Variants in RARA observed in about 807,000 individuals in gnomAD.
RARA encodes PML-DDX5-RARA fusion.
In RARA, 5 loss-of-function variants were observed where a neutral mutation model predicts 42.8. The observed-to-expected ratio is 0.12, with a 90% CI of 0.06 to 0.25. The LOEUF is 0.25. Among genes scored for constraint, RARA ranks in the 10% least tolerant of loss-of-function variants. RARA has a pLI of 1.00. For synonymous variants in RARA, 256 were observed against 259.5 expected (o/e 0.99, Z 0.13); for missense variants, 402 against 628.7 (o/e 0.64, Z 3.86).
chr17:40,331,111 C>A lies in RARA; in HGVS notation c.-108C>A. The A allele has an allele frequency of 7.4e-7, 1 of 1,346,196 alleles. No homozygotes were observed. Among genetic ancestry groups the A allele is most frequent in the Non-Finnish European group, 1.0e-6 (1 of 992,790 alleles). 83.4% of individuals were successfully genotyped at this position (1,346,196 alleles called of 1,614,324 possible). On this transcript the variant is annotated 5_prime_UTR_variant, in exon 2 of 9. Coordinates refer to ENST00000254066, the MANE Select transcript of RARA (RefSeq NM_000964.4). ...AGGACAGGGCGGGTGGGCTGACCACCCAAACCCCATCTGGGCCCAGGCCCC... is the reference window on the plus strand; with the variant it reads ...AGGACAGGGCGGGTGGGCTGACCACACAAACCCCATCTGGGCCCAGGCCCC...
rs1426934896 is a variant in RARA at position 40,352,236 on chromosome 17, T to G, written c.631-95T>G. On this transcript the variant is annotated intron_variant, in intron 5 of 8. Transcript: ENST00000254066. This position sits in a 1 kb window ranked among gnomAD's most constrained non-coding sequence, Gnocchi z 4.9. ...CTCTTCCCAAGGAGCTCCCAGGAAGTGAAGGCTGGGTAGAGGGCAGGCCTG... is the reference window on the plus strand; with the variant it reads ...CTCTTCCCAAGGAGCTCCCAGGAAGGGAAGGCTGGGTAGAGGGCAGGCCTG... The G allele has an allele frequency of 3.1e-5, 46 of 1,504,372 alleles. No individual in the cohort carries two copies. The highest frequency in any genetic ancestry group is 4.6e-5 in the Admixed American group (2 of 43,804). The allele number at this position is 1,504,372 out of a possible 1,614,324, so 93.2% of individuals were successfully genotyped here.
At chr17:40,343,692 C>G (rs558729354) in intron 2 of RARA, among the ~76,000 whole-genome samples, 1 of 152,136 alleles carries the variant, frequency 6.6e-6, no homozygotes, top group African/African-American at 2.4e-5. Context: ...GCTCCGCCAC[C>G]GAGTCCTTTT....
chr17:40,343,040 C>G (rs1436391398), intron 2 of RARA: 3 of 1,331,334 alleles, frequency 2.3e-6, no homozygotes, highest in South Asian at 1.7e-5. Context: ...CACCCTCCCC[C>G]CAGTAACCCT....
At chr17:40,310,291 A>T (rs2033070848) in intron 1 of RARA, among the ~76,000 whole-genome samples, 1 of 151,428 alleles carries the variant, frequency 6.6e-6, no homozygotes, top group African/African-American at 2.4e-5. Flanking sequence ...CTCTCTGAAG[A>T]TCTAGGGCGT....
At chr17:40,334,636 AG>A (rs1567753072) in intron 2 of RARA, among the ~76,000 whole-genome samples, 1 of 152,200 alleles carries the variant, frequency 6.6e-6, no homozygotes, top group Non-Finnish European at 1.5e-5. Flanking sequence ...GGCAGTTCCC[AG>A]GAGAGGTGGC....
chr17:40,316,464 G>C (rs1330924187), intron 1 of RARA, among the ~76,000 whole-genome samples: 1 of 152,234 alleles, frequency 6.6e-6, no homozygotes, highest in Non-Finnish European at 1.5e-5. Context: ...CCCTATGATG[G>C]CAGGTGTACC....
At chr17:40,344,351 C>T (rs2034179760) in intron 2 of RARA, among the ~76,000 whole-genome samples, 1 of 152,102 alleles carries the variant, frequency 6.6e-6, no homozygotes, top group Admixed American at 6.5e-5. Context: ...GAGAGGATGA[C>T]TCTAGGACCC....
chr17:40,337,019 T>C (rs1344455073), intron 2 of RARA, among the ~76,000 whole-genome samples: 2 of 152,154 alleles, frequency 1.3e-5, no homozygotes, highest in African/African-American at 4.8e-5. Flanking sequence ...CCTTTGTAGG[T>C]GGGAGCTGGA....
At chr17:40,348,488 AG>A (rs1277373367) in intron 3 of RARA, 24 bp downstream of exon 3, 2 of 1,607,118 alleles carry the variant, frequency 1.2e-6, no homozygotes, top group East Asian at 4.5e-5. Flanking sequence ...GTCATTGGGA[AG>A]GACAGCTTGA....
intron 2 of RARA, among the ~76,000 whole-genome samples, chr17:40,344,084 G>A (rs529965548): frequency 6.6e-6 from 1 of 151,964 alleles, no homozygotes; most frequent in Admixed American, 6.5e-5. Context: ...CTGCCAGGGA[G>A]GAGGGGTGGA....
chr17:40,321,198 G>T (rs2033366040), intron 1 of RARA, among the ~76,000 whole-genome samples: 1 of 151,994 alleles, frequency 6.6e-6, no homozygotes, highest in Non-Finnish European at 1.5e-5. Context: ...TCCCCGCAGG[G>T]TGGGCGGCAT....
chr17:40,342,056 G>C (rs2143387196), intron 2 of RARA: 1 of 1,060,008 alleles, frequency 9.4e-7, no homozygotes, highest in African/African-American at 1.7e-5. Context: ...AGCCGGACGC[G>C]CCGGGAATGG....
intron 1 of RARA, among the ~76,000 whole-genome samples, chr17:40,329,050 A>G (rs1039608843): frequency 2.6e-5 from 4 of 151,990 alleles, no homozygotes; most frequent in African/African-American, 9.7e-5. Context: ...GAGGATTCCA[A>G]TTTCTCCACA....
intron 2 of RARA, among the ~76,000 whole-genome samples, chr17:40,332,806 C>T (rs1011167533): frequency 1.3e-5 from 2 of 152,260 alleles, no homozygotes; most frequent in Non-Finnish European, 2.9e-5. Context: ...TGTCTCTTCT[C>T]TCCACCTCAT....
chr17:40,333,113 G>A (rs1042238738), intron 2 of RARA, among the ~76,000 whole-genome samples: 1 of 151,822 alleles, frequency 6.6e-6, no homozygotes, highest in African/African-American at 2.4e-5. Context: ...GCAGTGGTGC[G>A]ATCTCGGCTC....
In RARA at chr17:40,327,330, T is replaced by A. The variant is rs192397142; in HGVS notation, c.-362-3527T>A. Among the ~76,000 whole-genome samples, 5 of 152,288 alleles carry A rather than the reference T, an allele frequency of 3.3e-5. No homozygotes were observed. In the East Asian group the frequency reaches 9.7e-4, roughly 29 times the overall value. On this transcript the variant is annotated intron_variant, in intron 1 of 8. Transcript: ENST00000254066. ...ATGGCTTTCTGGGCCTCAGCGTGGG[T>A]TACAGAGGCCTCACTTTGGGTTAGC...
chr17:40,333,620 G>A (rs1299444457), intron 2 of RARA, among the ~76,000 whole-genome samples: 1 of 151,498 alleles, frequency 6.6e-6, no homozygotes, highest in Non-Finnish European at 1.5e-5. Flanking sequence ...ACAGGCATGA[G>A]CCACTGTGCC....
At chr17:40,349,549 T>G in intron 3 of RARA, 1 of 506,812 alleles carries the variant, frequency 2.0e-6, no homozygotes, top group Non-Finnish European at 3.5e-6. Flanking sequence ...GTGCTGTGGG[T>G]TGGGGGAAGA....
At chr17:40,311,676 G>T (rs889386854) in intron 1 of RARA, among the ~76,000 whole-genome samples, 1 of 152,154 alleles carries the variant, frequency 6.6e-6, no homozygotes, top group Non-Finnish European at 1.5e-5. Flanking sequence ...TGGGCTGGGC[G>T]CCAGGACTCC....
Sources: gnomAD v4.1 joint callset for allele counts (sites outside exome capture counted in the v4.1 genomes callset) on GRCh38, gnomAD v4.1.1 for gene constraint, Gnocchi (gnomAD v3.1) non-coding constraint, MANE v1.5 for transcripts, NCBI Gene and HGNC (gene_info 2026-07-23, HGNC 2026-07-21) for gene names.